Variants in FAM168A observed in about 807,000 individuals in gnomAD.
The protein encoded by FAM168A is protein FAM168A.
A neutral mutation model predicts 28.5 loss-of-function variants in FAM168A; 3 were observed. The ratio of observed to expected loss-of-function variants is 0.11; its 90% CI spans 0.05 to 0.27. The LOEUF is 0.27. Among genes scored for constraint, FAM168A ranks in the 10% least tolerant of loss-of-function variants. The probability of loss-of-function intolerance (pLI) is 1.00; values close to 1 mark genes in which losing one functional copy is unlikely to be tolerated. For synonymous variants in FAM168A, 122 were observed against 124.2 expected (o/e 0.98, Z 0.12); for missense variants, 222 against 311.5 (o/e 0.71, Z 2.16).
chr11:73,409,266 T>G (rs1866564184), intron 6 of FAM168A, among the ~76,000 whole-genome samples: 1 of 152,198 alleles, frequency 6.6e-6, no homozygotes, highest in African/African-American at 2.4e-5. Context: ...CTTCTCTAGT[T>G]AGCCTGTGTT....
intron 1 of FAM168A, among the ~76,000 whole-genome samples, chr11:73,504,807 T>C (rs1405396149): frequency 2.6e-5 from 4 of 152,212 alleles, no homozygotes; most frequent in African/African-American, 7.2e-5. Flanking sequence ...ATACATACCA[T>C]GGAATACTAC....
chr11:73,584,203 C>CA (rs1270180869), intron 1 of FAM168A, among the ~76,000 whole-genome samples: 4 of 151,426 alleles, frequency 2.6e-5, no homozygotes, highest in African/African-American at 9.7e-5. Flanking sequence ...GACATTGTCT[C>CA]ACTCTGTCAC....
At chr11:73,447,265 A>G (rs1224849953) in intron 2 of FAM168A, among the ~76,000 whole-genome samples, 1 of 151,914 alleles carries the variant, frequency 6.6e-6, no homozygotes, top group Non-Finnish European at 1.5e-5. Flanking sequence ...TTTCTCAAAT[A>G]TTGCTGGGCA....
At chr11:73,409,792 G>T (rs761385621) in intron 5 of FAM168A, 131 bp from the exon 6 acceptor site, 14 of 877,098 alleles carry the variant, frequency 1.6e-5, no homozygotes, top group Non-Finnish European at 2.3e-5. Context: ...TGTGACTGTG[G>T]TCAGTGCAGT....
At chr11:73,553,282 G>A (rs904320839) in intron 1 of FAM168A, among the ~76,000 whole-genome samples, 2 of 152,068 alleles carry the variant, frequency 1.3e-5, no homozygotes, top group African/African-American at 2.4e-5. Context: ...GATTGGTCAA[G>A]TTTTTCAAGT....
intron 1 of FAM168A, among the ~76,000 whole-genome samples, chr11:73,543,373 G>T (rs1943682036): frequency 6.9e-6 from 1 of 145,918 alleles, no homozygotes; most frequent in Non-Finnish European, 1.5e-5. Context: ...AAGCAATTCT[G>T]CCTCAGCCTC....
chr11:73,548,475 G>T (rs1943787148), intron 1 of FAM168A, among the ~76,000 whole-genome samples: 1 of 152,206 alleles, frequency 6.6e-6, no homozygotes, highest in African/African-American at 2.4e-5. Context: ...ACAGCCAGGG[G>T]CTCCAAGACA....
intron 1 of FAM168A, among the ~76,000 whole-genome samples, chr11:73,539,437 T>C (rs1943626293): frequency 6.6e-6 from 1 of 152,018 alleles, no homozygotes; most frequent in Non-Finnish European, 1.5e-5. Flanking sequence ...GCCTGGCTAA[T>C]TTTTTGTATT....
chr11:73,482,225 G>A (rs966114683), intron 1 of FAM168A, among the ~76,000 whole-genome samples: 2 of 135,812 alleles, frequency 1.5e-5, no homozygotes, highest in East Asian at 4.3e-4. Context: ...AGAATACTGA[G>A]GCATAGAGAA....
intron 5 of FAM168A, among the ~76,000 whole-genome samples, 168 bp downstream of exon 5, chr11:73,411,226 G>A (rs1395392970): frequency 6.6e-6 from 1 of 152,204 alleles, no homozygotes; most frequent in African/African-American, 2.4e-5. Flanking sequence ...GGTGGAGTGA[G>A]GGAGTAAGCA....
intron 1 of FAM168A, among the ~76,000 whole-genome samples, chr11:73,544,758 T>C (rs1943706104): frequency 9.9e-6 from 1 of 100,608 alleles, no homozygotes; most frequent in Non-Finnish European, 1.9e-5. Context: ...ATTTTATATG[T>C]AATTATATAT....
chr11:73,411,228 G>A (rs1200776712), intron 5 of FAM168A, among the ~76,000 whole-genome samples, 166 bp downstream of exon 5: 1 of 152,194 alleles, frequency 6.6e-6, no homozygotes, highest in Non-Finnish European at 1.5e-5. Context: ...TGGAGTGAGG[G>A]AGTAAGCAGA....
intron 1 of FAM168A, among the ~76,000 whole-genome samples, chr11:73,560,188 T>A (rs7949882): frequency 6.6e-6 from 1 of 151,480 alleles, no homozygotes; most frequent in African/African-American, 2.4e-5. Context: ...CTCAGCCTCC[T>A]GAGGAGCTGA....
chr11:73,513,407 G>A (rs1425229630), intron 1 of FAM168A, among the ~76,000 whole-genome samples: 3 of 150,532 alleles, frequency 2.0e-5, no homozygotes, highest in East Asian at 3.9e-4. Context: ...TAGTAGAGAT[G>A]GGATGTCACC....
At chr11:73,572,893 T>TA (rs535131755) in intron 1 of FAM168A, among the ~76,000 whole-genome samples, 2,885 of 135,844 alleles carry the variant, frequency 0.021, 71 homozygotes, top group African/African-American at 0.069. Flanking sequence ...AATAAATAAA[T>TA]AATTAATTAA....
intron 2 of FAM168A, among the ~76,000 whole-genome samples, chr11:73,454,675 C>T (rs1217980168): frequency 2.0e-5 from 3 of 152,164 alleles, no homozygotes; most frequent in Non-Finnish European, 4.4e-5. Context: ...CCATCCTGTG[C>T]CTATAAAAAC....
Position 73,468,424 on chromosome 11 carries a change from A to C in FAM168A, c.51T>G (p.Pro17=). 1 of 1,614,132 alleles carries C rather than the reference A, an allele frequency of 6.2e-7. No individual in the cohort carries two copies. Among genetic ancestry groups the C allele is most frequent in the Non-Finnish European group, 8.5e-7 (1 of 1,179,988 alleles). The change falls in exon 2 of 8, where the codon CCT becomes CCG. Residue 17 remains proline (P), a synonymous_variant. Coordinates refer to ENST00000356467, the MANE Select transcript of FAM168A (RefSeq NM_015159.3). The part of the protein sequence containing the change: ...PVQPGAPYGN[P]KNMAYTGYPT... ...ACTCACCCGTGTAGGCCATGTTCTT[A>C]GGGTTGCCATAAGGAGCCCCAGGCT...
At chr11:73,561,756 C>T (rs1943961583) in intron 1 of FAM168A, among the ~76,000 whole-genome samples, 1 of 152,040 alleles carries the variant, frequency 6.6e-6, no homozygotes, top group Non-Finnish European at 1.5e-5. Flanking sequence ...GGCCTCCCTT[C>T]TTTTACTGAA....
chr11:73,442,955 G>GAGATATAT (rs1280345663), intron 2 of FAM168A, among the ~76,000 whole-genome samples: 2 of 40,228 alleles, frequency 5.0e-5, no homozygotes, highest in African/African-American at 6.7e-5. Flanking sequence ...ATATACAAAG[G>GAGATATAT]ATATATATAT....
Sources: gnomAD v4.1 joint callset for allele counts (sites outside exome capture counted in the v4.1 genomes callset) on GRCh38, gnomAD v4.1.1 for gene constraint, MANE v1.5 for transcripts, NCBI Gene and HGNC (gene_info 2026-07-23, HGNC 2026-07-21) for gene names.